Variants in RGS9 observed in about 807,000 individuals in gnomAD.
The protein encoded by RGS9 is regulator of G protein signaling 9, also known as regulator of G-protein signalling 9.
Under a neutral mutation model 102.0 loss-of-function variants are expected in RGS9, and 78 were observed. The observed-to-expected ratio is 0.76, with a 90% confidence interval of 0.64 to 0.92. RGS9 has a LOEUF of 0.92. Among genes scored for constraint, RGS9 ranks in the 40% least tolerant of loss-of-function variants. The probability of loss-of-function intolerance (pLI) is 0.00; values close to 1 mark genes in which losing one functional copy is unlikely to be tolerated. For missense variants in RGS9, 833 were observed against 866.1 expected, an observed-to-expected ratio of 0.96 and a Z score of 0.48; for synonymous variants, 353 against 318.6, an observed-to-expected ratio of 1.11 and a Z score of -1.15.
At chr17:65,167,209 A>T (rs112127046) in intron 7 of RGS9, among the ~76,000 whole-genome samples, 7 of 151,120 alleles carry the variant, frequency 4.6e-5, no homozygotes, top group Non-Finnish European at 8.9e-5. Flanking sequence ...TTATTTATTT[A>T]TTTTTTTTTG....
chr17:65,147,331 T>C (rs1245556767), intron 1 of RGS9, among the ~76,000 whole-genome samples: 2 of 152,160 alleles, frequency 1.3e-5, no homozygotes, highest in Non-Finnish European at 2.9e-5. Flanking sequence ...GCCTCAGCTG[T>C]GTACCTGCCC....
chr17:65,162,217 C>A (rs1911012291), intron 6 of RGS9, among the ~76,000 whole-genome samples: 1 of 151,666 alleles, frequency 6.6e-6, no homozygotes, highest in African/African-American at 2.4e-5. Flanking sequence ...ATAGTGAGAC[C>A]CTATCTCTAC....
intron 17 of RGS9, among the ~76,000 whole-genome samples, chr17:65,217,472 G>A (rs1913559485): frequency 6.6e-6 from 1 of 152,240 alleles, no homozygotes; most frequent in Non-Finnish European, 1.5e-5. Flanking sequence ...TTAGCAGTAA[G>A]GAAATCACTG....
rs563133137 is a variant in RGS9, at chr17:65,193,271, G to GA, written c.747-264dup. Among the ~76,000 whole-genome samples the GA allele has an allele frequency of 4.9e-3, 666 of 136,366 alleles. 3 individuals carry two copies. Among genetic ancestry groups the GA allele is most frequent in the African/African-American group, 0.019 (615 of 32,758 alleles). 89.5% of individuals were successfully genotyped at this position (136,366 alleles called of 152,430 possible). On this transcript the variant is annotated intron_variant, in intron 11 of 18. Transcript: ENST00000262406. ...GGCTGTCTCAAAAAAAAAAAAAAAA[G>GA]AAAAAAAAGAAAAAGAAATAGGTAT... is the stretch of plus-strand genomic sequence containing the variant.
At chr17:65,195,439 A>G (rs940650291) in intron 12 of RGS9, among the ~76,000 whole-genome samples, 4 of 152,146 alleles carry the variant, frequency 2.6e-5, no homozygotes, top group Admixed American at 6.5e-5. Context: ...CTATATGTTT[A>G]TTGAACCAAA....
At chr17:65,146,315 C>T (rs1040316328) in intron 1 of RGS9, among the ~76,000 whole-genome samples, 3 of 152,132 alleles carry the variant, frequency 2.0e-5, no homozygotes, top group African/African-American at 7.2e-5. Context: ...CTTGGCCTGG[C>T]GTGGTGGCTC....
At chr17:65,226,216 CAG>C (rs904166488) in intron 18 of RGS9, among the ~76,000 whole-genome samples, 5 of 152,226 alleles carry the variant, frequency 3.3e-5, no homozygotes, top group Non-Finnish European at 2.9e-5. Context: ...CGATGCAACA[CAG>C]AGAATCAGCT....
At chr17:65,167,549 C>A (rs949647931) in intron 7 of RGS9, among the ~76,000 whole-genome samples, 2 of 152,130 alleles carry the variant, frequency 1.3e-5, no homozygotes, top group African/African-American at 4.8e-5. Context: ...AAAGCCCCGA[C>A]GTGGCATGAA....
intron 6 of RGS9, 131 bp downstream of exon 6, chr17:65,161,040 C>A: frequency 1.3e-6 from 1 of 760,064 alleles, no homozygotes; most frequent in Non-Finnish European, 2.3e-6. Flanking sequence ...AGCCAGCCAG[C>A]TAGCCATCCA....
intron 17 of RGS9, among the ~76,000 whole-genome samples, chr17:65,224,357 C>T (rs1437814639): frequency 6.6e-6 from 1 of 152,126 alleles, no homozygotes; most frequent in Non-Finnish European, 1.5e-5. Context: ...TTTCCTTCTC[C>T]CCAGCCTGGC....
Position 65,225,003 on chromosome 17 carries a change from C to A in RGS9, c.1409C>A (p.Pro470Gln). ...GCTCTCTCCTTTCCTTCTCTACAGCCGGGCCAGCACATGGCTCCCAGCCCC... is the reference window on the plus strand; with the variant it reads ...GCTCTCTCCTTTCCTTCTCTACAGCAGGGCCAGCACATGGCTCCCAGCCCC... ...EAANTVDITQ[P>Q]GQHMAPSPHL... is the part of the protein sequence containing the mutation. Residue 470 changes from proline (P) to glutamine (Q), a missense_variant and splice_region_variant, in exon 18 of 19, where the codon CCG becomes CAG. This residue lies in a region of RGS9 where 185 missense variants were observed against 248.7 expected (regional missense o/e 0.74). Transcript: ENST00000262406. The A allele has an allele frequency of 6.2e-7, 1 of 1,613,806 alleles. No homozygotes were observed.
chr17:65,145,685 GCACCTGGACTCATTT>G (rs1333917924), intron 1 of RGS9, among the ~76,000 whole-genome samples: 1 of 151,978 alleles, frequency 6.6e-6, no homozygotes, highest in Non-Finnish European at 1.5e-5. Context: ...GTGAGCCAGT[GCACCTGGACTCATTT>G]CACCTCTTTA....
chr17:65,153,309 A>G, intron 1 of RGS9, 113 bp from the exon 2 acceptor site: 1 of 890,832 alleles, frequency 1.1e-6, no homozygotes, highest in Non-Finnish European at 1.9e-6. Flanking sequence ...CCAGATGGGG[A>G]ACCCCTGTGT....
chr17:65,226,897 G>A (rs1295385224), intron 18 of RGS9, among the ~76,000 whole-genome samples: 1 of 152,202 alleles, frequency 6.6e-6, no homozygotes, highest in Admixed American at 6.5e-5. Flanking sequence ...TTACAGGCAT[G>A]AGCCACAGTG....
Position 65,172,425 on chromosome 17 carries a change from G to A in RGS9, c.582+4144G>A, listed in dbSNP as rs190547291. ...TCACCATGTTGGCCAGGCTGGTCTC[G>A]AACTCCTGACTCTACCTTGGCCTCC... On this transcript the variant is annotated intron_variant, in intron 8 of 18. Transcript: ENST00000262406. Among the ~76,000 whole-genome samples the A allele has an allele frequency of 2.7e-3, 406 of 151,996 alleles. 2 individuals carry two copies. Among genetic ancestry groups the A allele is most frequent in the African/African-American group, 9.5e-3 (395 of 41,420 alleles).
intron 9 of RGS9, among the ~76,000 whole-genome samples, chr17:65,186,337 C>A (rs1417651428): frequency 1.3e-5 from 2 of 151,846 alleles, no homozygotes; most frequent in Non-Finnish European, 2.9e-5. Context: ...CCCCACCCCC[C>A]ACCAAGTAAC....
intron 9 of RGS9, chr17:65,188,576 C>G (rs1279032266): frequency 6.6e-6 from 1 of 152,466 alleles, no homozygotes; most frequent in Non-Finnish European, 1.5e-5. Flanking sequence ...AACACCCAAG[C>G]TCTGTGCTAG....
chr17:65,191,836 C>T (rs1912380057), intron 11 of RGS9, among the ~76,000 whole-genome samples: 3 of 152,312 alleles, frequency 2.0e-5, no homozygotes, highest in East Asian at 1.9e-4. Context: ...AATAGAATTG[C>T]AAACCCAGTG....
intron 15 of RGS9, among the ~76,000 whole-genome samples, chr17:65,206,062 GTGATATAGGTTATA>G (rs1268446334): frequency 6.6e-6 from 1 of 152,128 alleles, no homozygotes; most frequent in Admixed American, 6.5e-5. Context: ...TATAGGTTAT[GTGATATAGGTTATA>G]TGATATAGGT....
Sources: gnomAD v4.1 joint callset for allele counts (sites outside exome capture counted in the v4.1 genomes callset) on GRCh38, gnomAD v4.1.1 for gene constraint, gnomAD v4.1.1 regional missense constraint, MANE v1.5 for transcripts, NCBI Gene and HGNC (gene_info 2026-07-23, HGNC 2026-07-21) for gene names.